The following ROBO2 variants were observed in gnomAD, a reference collection of about 807,000 sequenced individuals.
The protein encoded by ROBO2 is roundabout homolog 2.
Under a neutral mutation model 160.8 loss-of-function variants are expected in ROBO2, and 53 were observed. That is an observed-to-expected ratio of 0.33 (90% CI 0.26 to 0.41). The LOEUF (loss-of-function observed/expected upper bound fraction) is 0.41, where lower values mean the gene tolerates loss of function less well. Among genes scored for constraint, ROBO2 ranks in the 10% least tolerant of loss-of-function variants. ROBO2 has a pLI of 1.00. For missense variants in ROBO2, 1,577 were observed against 1,722.4 expected (o/e 0.92, Z 1.49); for synonymous variants, 664 against 611.7 (o/e 1.09, Z -1.26).
chr3:77,075,677 T>TCC (rs1352507276), intron 1 of ROBO2, among the ~76,000 whole-genome samples: 32 of 126,912 alleles, frequency 2.5e-4, no homozygotes, highest in Middle Eastern at 3.7e-3. Flanking sequence ...TTCTCCTTTT[T>TCC]TTTTTTTTTT....
intron 2 of ROBO2, among the ~76,000 whole-genome samples, chr3:76,283,134 CTG>C (rs1369564932): frequency 1.4e-4 from 1 of 7,182 alleles, no homozygotes; most frequent in Non-Finnish European, 6.0e-4. Flanking sequence ...ATATATAAAA[CTG>C]TATATATATA....
chr3:77,629,216 G>A (rs999205382), intron 23 of ROBO2: 1 of 152,204 alleles, frequency 6.6e-6, no homozygotes, highest in Non-Finnish European at 1.5e-5. Flanking sequence ...GATAAACAGG[G>A]TTATCTGAGG....
At chr3:76,948,005 T>C (rs1279680556) in intron 2 of ROBO2, among the ~76,000 whole-genome samples, 1 of 152,226 alleles carries the variant, frequency 6.6e-6, no homozygotes, top group Non-Finnish European at 1.5e-5. Context: ...TCCTTTGTTT[T>C]TGAAGTATTC....
At chr3:77,193,412 C>G (rs1256677918) in intron 2 of ROBO2, among the ~76,000 whole-genome samples, 1 of 151,728 alleles carries the variant, frequency 6.6e-6, no homozygotes, top group African/African-American at 2.4e-5. Context: ...TCCTGAGTAG[C>G]TGGGAATACA....
At chr3:77,231,810 A>G (rs1317404835) in intron 2 of ROBO2, among the ~76,000 whole-genome samples, 1 of 152,052 alleles carries the variant, frequency 6.6e-6, no homozygotes, top group East Asian at 1.9e-4. Context: ...ACAATCTTTG[A>G]TCAGCAAAAA....
intron 2 of ROBO2, among the ~76,000 whole-genome samples, chr3:76,591,158 G>T (rs2086392600): frequency 1.3e-5 from 2 of 152,028 alleles, no homozygotes; most frequent in Admixed American, 6.5e-5. Context: ...CACATATTTT[G>T]TATGGTATAT....
intron 2 of ROBO2, among the ~76,000 whole-genome samples, chr3:76,058,709 T>C (rs960600779): frequency 6.6e-6 from 1 of 150,384 alleles, no homozygotes; most frequent in African/African-American, 2.5e-5. Flanking sequence ...GCAGGTTTGT[T>C]ACATATGTAT....
chr3:76,125,360 C>T (rs146603304), intron 2 of ROBO2, among the ~76,000 whole-genome samples: 2 of 152,048 alleles, frequency 1.3e-5, no homozygotes, highest in Non-Finnish European at 2.9e-5. Context: ...TGAGTATATG[C>T]CAGTCATGGG....
intron 1 of ROBO2, among the ~76,000 whole-genome samples, chr3:77,058,158 A>G (rs931037632): frequency 4.6e-5 from 7 of 152,204 alleles, no homozygotes; most frequent in Non-Finnish European, 5.9e-5. Context: ...GTCTTTCACT[A>G]AGCTTCCAAG....
chr3:77,499,820 T>C (rs2087313054), intron 5 of ROBO2, among the ~76,000 whole-genome samples: 1 of 151,984 alleles, frequency 6.6e-6, no homozygotes, highest in Non-Finnish European at 1.5e-5. Context: ...AGCTAATTTT[T>C]GTATTTTTGG....
intron 1 of ROBO2, among the ~76,000 whole-genome samples, chr3:77,050,124 A>G (rs779997894): frequency 6.6e-6 from 1 of 152,158 alleles, no homozygotes; most frequent in South Asian, 2.1e-4. Context: ...TCAGGGTTAG[A>G]GTAAATTAGG....
At chr3:77,355,241 C>G (rs2068942576) in intron 2 of ROBO2, among the ~76,000 whole-genome samples, 1 of 151,982 alleles carries the variant, frequency 6.6e-6, no homozygotes, top group African/African-American at 2.4e-5. Context: ...ATCTGCATAC[C>G]CTAGGAGTTT....
intron 2 of ROBO2, among the ~76,000 whole-genome samples, chr3:76,684,082 T>G (rs553098578): frequency 1.3e-3 from 203 of 152,034 alleles, no homozygotes; most frequent in African/African-American, 4.7e-3. Flanking sequence ...AGGACATCAT[T>G]AGAAAGAGAA....
chr3:76,582,264 C>T (rs989895343), intron 2 of ROBO2, among the ~76,000 whole-genome samples: 8 of 152,136 alleles, frequency 5.3e-5, no homozygotes, highest in Admixed American at 3.3e-4. Flanking sequence ...TCAAATCAGG[C>T]AGCCAATTTT....
intron 2 of ROBO2, among the ~76,000 whole-genome samples, chr3:76,246,991 G>A (rs1216585509): frequency 1.3e-5 from 2 of 152,042 alleles, no homozygotes; most frequent in Non-Finnish European, 2.9e-5. Context: ...ATGCTCAAGG[G>A]TGACCAGCAA....
intron 2 of ROBO2, among the ~76,000 whole-genome samples, chr3:77,332,399 A>T (rs2066062501): frequency 1.3e-5 from 2 of 152,088 alleles, no homozygotes; most frequent in Non-Finnish European, 2.9e-5. Flanking sequence ...CTGTAGGTAC[A>T]TTTTACAGAG....
chr3:75,946,482 G>T (rs1948296624), intron 2 of ROBO2, among the ~76,000 whole-genome samples: 1 of 151,998 alleles, frequency 6.6e-6, no homozygotes, highest in East Asian at 1.9e-4. Flanking sequence ...GGTGTGAAGG[G>T]CTATAAGGTA....
At chr3:76,382,959 C>A (rs13076308) in intron 2 of ROBO2, among the ~76,000 whole-genome samples, 32,449 of 151,714 alleles carry the variant, frequency 0.21, 4,127 homozygotes, top group African/African-American at 0.36. Context: ...AAGAAACAGA[C>A]GAGAAAAAAG....
chr3:76,497,826 G>GCCAGCATTC (rs904647801), intron 2 of ROBO2, among the ~76,000 whole-genome samples: 50 of 152,204 alleles, frequency 3.3e-4, no homozygotes, highest in African/African-American at 7.5e-4. Context: ...ATTAACTTCT[G>GCCAGCATTC]CCAGCATTCC....
Sources: allele counts gnomAD v4.1 joint callset (sites outside exome capture counted in the v4.1 genomes callset), GRCh38; gene constraint gnomAD v4.1.1; transcripts MANE v1.5; gene names NCBI Gene and HGNC (gene_info 2026-07-23, HGNC 2026-07-21).